Variants in EYS observed in about 807,000 individuals in gnomAD.
The protein encoded by EYS is EGF-like photoreceptor maintenance factor, also known as protein eyes shut homolog.
EYS carries 250 observed loss-of-function variants against 282.1 expected under a neutral mutation model. The ratio of observed to expected loss-of-function variants is 0.89; its 90% CI spans 0.80 to 0.98. EYS has a LOEUF of 0.98. EYS is among the 50% of genes least tolerant of loss of function. The pLI, the probability that EYS is intolerant of heterozygous loss-of-function variation, is 0.00. For synonymous variants in EYS, 1,355 were observed against 1,282.9 expected, an observed-to-expected ratio of 1.06 and a Z score of -1.20; for missense variants, 4,016 against 3,709.0, an observed-to-expected ratio of 1.08 and a Z score of -2.15.
chr6:65,345,012 A>G (rs1413479650), intron 9 of EYS, among the ~76,000 whole-genome samples: 4 of 151,710 alleles, frequency 2.6e-5, no homozygotes, highest in Non-Finnish European at 5.9e-5. Context: ...AGGGACTCGC[A>G]AGGCATCATT....
chr6:65,091,506 A>C (rs1204877647), intron 12 of EYS, among the ~76,000 whole-genome samples: 1 of 151,630 alleles, frequency 6.6e-6, no homozygotes, highest in Non-Finnish European at 1.5e-5. Flanking sequence ...AATAAAAAGA[A>C]GTTAGATAAT....
At chr6:64,019,206 A>G (rs1426270009) in intron 33 of EYS, among the ~76,000 whole-genome samples, 1 of 152,104 alleles carries the variant, frequency 6.6e-6, no homozygotes, top group Non-Finnish European at 1.5e-5. Flanking sequence ...GAATGCCCTC[A>G]GTTGGCAGAC....
intron 29 of EYS, among the ~76,000 whole-genome samples, chr6:64,319,764 C>T (rs1408551365): frequency 6.6e-6 from 1 of 151,808 alleles, no homozygotes; most frequent in Non-Finnish European, 1.5e-5. Context: ...GGAAGACAGA[C>T]ATTTCCCCTT....
intron 2 of EYS, among the ~76,000 whole-genome samples, chr6:65,515,923 C>G (rs1481884051): frequency 2.6e-5 from 4 of 151,592 alleles, no homozygotes; most frequent in Admixed American, 2.6e-4. Context: ...CACATGTACC[C>G]TAAAACTTAA....
chr6:64,686,787 ATGTGTG>A (rs1257240367), intron 22 of EYS, among the ~76,000 whole-genome samples: 279 of 12,980 alleles, frequency 0.021, 35 homozygotes, highest in Middle Eastern at 0.12. Context: ...ATATATATAT[ATGTGTG>A]TATATATATA....
chr6:65,523,861 C>A (rs187296483), intron 2 of EYS, among the ~76,000 whole-genome samples: 2 of 152,010 alleles, frequency 1.3e-5, no homozygotes, highest in East Asian at 1.9e-4. Flanking sequence ...TTACAGCCAA[C>A]GTGGAATAAA....
intron 12 of EYS, among the ~76,000 whole-genome samples, chr6:65,145,192 T>C (rs1764446324): frequency 6.6e-6 from 1 of 152,122 alleles, no homozygotes; most frequent in African/African-American, 2.4e-5. Context: ...TTTTATTCAC[T>C]TAATATCTAG....
At chr6:65,649,472 T>C (rs1050075077) in intron 1 of EYS, among the ~76,000 whole-genome samples, 2 of 152,172 alleles carry the variant, frequency 1.3e-5, no homozygotes, top group Non-Finnish European at 2.9e-5. Context: ...TTGTTTACTC[T>C]TCATCAAACA....
intron 35 of EYS, among the ~76,000 whole-genome samples, chr6:63,947,023 T>C (rs1765419168): frequency 6.6e-6 from 1 of 152,046 alleles, no homozygotes; most frequent in African/African-American, 2.4e-5. Context: ...GAATACCAAA[T>C]ATGCCTCAAA....
At chr6:64,178,387 T>C (rs1764696256) in intron 31 of EYS, among the ~76,000 whole-genome samples, 1 of 152,164 alleles carries the variant, frequency 6.6e-6, no homozygotes, top group Non-Finnish European at 1.5e-5. Flanking sequence ...CCTTGTATTA[T>C]CTAAATTGCT....
intron 35 of EYS, among the ~76,000 whole-genome samples, chr6:63,945,111 T>A (rs1009080568): frequency 6.6e-6 from 1 of 152,136 alleles, no homozygotes; most frequent in African/African-American, 2.4e-5. Flanking sequence ...TTTCTCACAC[T>A]GCTCTGAAGG....
At chr6:64,898,940 CA>C (rs1356200725) in intron 18 of EYS, among the ~76,000 whole-genome samples, 1 of 151,704 alleles carries the variant, frequency 6.6e-6, no homozygotes, top group African/African-American at 2.4e-5. Context: ...AATACAGGAG[CA>C]CCCAGATTAA....
chr6:64,008,117 C>G (rs1317648086), intron 33 of EYS, among the ~76,000 whole-genome samples: 2 of 152,138 alleles, frequency 1.3e-5, no homozygotes, highest in African/African-American at 4.8e-5. Context: ...ATCTAAAATT[C>G]TTCATAGGTC....
intron 35 of EYS, among the ~76,000 whole-genome samples, chr6:63,954,989 C>T (rs1053233522): frequency 3.3e-5 from 5 of 152,194 alleles, no homozygotes; most frequent in Admixed American, 6.5e-5. Flanking sequence ...CTTCCCTACA[C>T]ATCAAGCTTG....
intron 30 of EYS, among the ~76,000 whole-genome samples, chr6:64,282,795 A>G (rs1461550698): frequency 6.6e-6 from 1 of 152,136 alleles, no homozygotes; most frequent in African/African-American, 2.4e-5. Context: ...CTAGCATTCA[A>G]TCCTCTGAAA....
rs201375555 is a variant in EYS at position 64,200,404 on chromosome 6, TAAG to T, written c.6424+30185_6424+30187del. Among the ~76,000 whole-genome samples, 627 of 152,280 alleles carry T rather than the reference TAAG, an allele frequency of 4.1e-3. 5 individuals are homozygous for T. Among genetic ancestry groups the T allele is most frequent in the African/African-American group, 0.014 (593 of 41,562 alleles). ...GTGTCACACTAATGCAAGTTGTTAA[TAAG>T]AAATTGTGTATGGAAGTTAGGGTAT... On this transcript the variant is annotated intron_variant, in intron 31 of 42. Coordinates refer to ENST00000503581, the MANE Select transcript of EYS (RefSeq NM_001142800.2).
intron 12 of EYS, among the ~76,000 whole-genome samples, chr6:65,265,221 C>T (rs1767721234): frequency 6.6e-6 from 1 of 152,036 alleles, no homozygotes; most frequent in Admixed American, 6.6e-5. Context: ...AACAAACCTA[C>T]ACACGTACCC....
At chr6:64,703,775 A>C (rs1398465869) in intron 22 of EYS, among the ~76,000 whole-genome samples, 1 of 152,190 alleles carries the variant, frequency 6.6e-6, no homozygotes, top group Non-Finnish European at 1.5e-5. Flanking sequence ...CAAATTGTGA[A>C]ACAAAAGCAA....
intron 35 of EYS, among the ~76,000 whole-genome samples, chr6:63,934,412 G>A (rs1265605575): frequency 1.3e-5 from 2 of 151,978 alleles, no homozygotes; most frequent in Non-Finnish European, 2.9e-5. Flanking sequence ...TATACCCAAA[G>A]GATTATAAAT....
Sources: allele counts gnomAD v4.1 joint callset (sites outside exome capture counted in the v4.1 genomes callset), GRCh38; gene constraint gnomAD v4.1.1; transcripts MANE v1.5; gene names NCBI Gene and HGNC (gene_info 2026-07-23, HGNC 2026-07-21).